The following ANKRD6 variants were observed in gnomAD, a reference collection of about 807,000 sequenced individuals.
ANKRD6 encodes ankyrin repeat domain 6, also known as ankyrin repeat domain-containing protein 6.
A neutral mutation model predicts 82.3 loss-of-function variants in ANKRD6; 56 were observed. The ratio of observed to expected loss-of-function variants is 0.68; its 90% CI spans 0.55 to 0.85. The LOEUF (loss-of-function observed/expected upper bound fraction) is 0.85. Among genes scored for constraint, ANKRD6 ranks in the 40% least tolerant of loss-of-function variants. The pLI is 0.00. For missense variants in ANKRD6, 852 were observed against 907.6 expected, an observed-to-expected ratio of 0.94 and a Z score of 0.79; for synonymous variants, 347 against 352.1, an observed-to-expected ratio of 0.99 and a Z score of 0.16.
intron 1 of ANKRD6, among the ~76,000 whole-genome samples, chr6:89,482,524 A>C (rs917076042): frequency 1.3e-5 from 2 of 152,148 alleles, no homozygotes; most frequent in African/African-American, 4.8e-5. Flanking sequence ...TGTATCAGCC[A>C]CTAAGGAAGT....
At chr6:89,461,996 C>T (rs1374572721) in intron 1 of ANKRD6, among the ~76,000 whole-genome samples, 1 of 152,026 alleles carries the variant, frequency 6.6e-6, no homozygotes, top group Non-Finnish European at 1.5e-5. Flanking sequence ...CTTTGGGAGG[C>T]CAAGGTGGGC....
chr6:89,547,853 C>T (rs1785311082), intron 1 of ANKRD6, among the ~76,000 whole-genome samples: 1 of 152,126 alleles, frequency 6.6e-6, no homozygotes, highest in Admixed American at 6.5e-5. Context: ...CTGTGGCAAA[C>T]ACTTTATTAC....
Position 89,595,457 on chromosome 6 carries a change from A to C in ANKRD6, c.121-459A>C, listed in dbSNP as rs141430206. Among the ~76,000 whole-genome samples the C allele has an allele frequency of 7.9e-5, 12 of 151,788 alleles. No individual in the cohort carries two copies. The East Asian group carries it at 2.3e-3, about 29-fold the overall frequency. ...AAAAAAAAAAGGAAGAACCTTTCCT[A>C]ATCAGTTCAATCAACAGTTTTAATT... On this transcript the variant is annotated intron_variant, in intron 2 of 15. Coordinates refer to ENST00000339746, the MANE Select transcript of ANKRD6 (RefSeq NM_001242809.2).
intron 1 of ANKRD6, among the ~76,000 whole-genome samples, chr6:89,539,841 A>C (rs559105522): frequency 6.7e-6 from 1 of 149,292 alleles, no homozygotes; most frequent in South Asian, 2.1e-4. Context: ...CTCTATGTCC[A>C]TAAGTTCAAT....
intron 1 of ANKRD6, among the ~76,000 whole-genome samples, chr6:89,534,672 G>A (rs1783609654): frequency 6.6e-6 from 1 of 152,200 alleles, no homozygotes; most frequent in African/African-American, 2.4e-5. Context: ...CTTTCCAGGT[G>A]CAGGGGTTCA....
At chr6:89,500,992 T>TC (rs398002271) in intron 1 of ANKRD6, among the ~76,000 whole-genome samples, 24 of 150,442 alleles carry the variant, frequency 1.6e-4, no homozygotes, top group Non-Finnish European at 2.8e-4. Context: ...TTTTTTTTTT[T>TC]CTAGCACAGA....
At chr6:89,598,399 A>T (rs1268392423) in intron 3 of ANKRD6, 1 of 985,364 alleles carries the variant, frequency 1.0e-6, no homozygotes, top group South Asian at 4.7e-5. Flanking sequence ...GAAGGTTAGG[A>T]AGGACCCTAG....
rs1445821271 is a variant in ANKRD6 at position 89,473,158 on chromosome 6, C to G, written c.-144+39783C>G. 3.3e-5 allele frequency among the ~76,000 whole-genome samples: 5 copies of G among 152,098 alleles called. No individual in the cohort carries two copies. The South Asian group carries it at 1.0e-3, about 32-fold the overall frequency. On this transcript the variant is annotated intron_variant, in intron 1 of 15. Coordinates refer to ENST00000339746, the MANE Select transcript of ANKRD6 (RefSeq NM_001242809.2). ...AGGAGCAGTGGCTCACACCTGTAAT[C>G]CCAGCACTTTGGGAGGCTGAGGTGG...
intron 2 of ANKRD6, among the ~76,000 whole-genome samples, chr6:89,593,558 CT>C (rs1262774748): frequency 6.6e-6 from 1 of 152,176 alleles, no homozygotes; most frequent in African/African-American, 2.4e-5. Context: ...CATTCTAGTG[CT>C]TTGGTCACAT....
chr6:89,477,731 A>G (rs552556694), intron 1 of ANKRD6, among the ~76,000 whole-genome samples: 2 of 149,642 alleles, frequency 1.3e-5, no homozygotes, highest in Admixed American at 1.3e-4. Flanking sequence ...AGATTGTGCC[A>G]CTGCACTCCA....
chr6:89,521,353 A>G (rs1402303527), intron 1 of ANKRD6, among the ~76,000 whole-genome samples: 1 of 152,188 alleles, frequency 6.6e-6, no homozygotes, highest in Non-Finnish European at 1.5e-5. Context: ...CTCAGGGTTC[A>G]GAGATGAGTG....
chr6:89,600,631 T>C (rs1352181415), intron 3 of ANKRD6, among the ~76,000 whole-genome samples: 1 of 152,154 alleles, frequency 6.6e-6, no homozygotes, highest in Non-Finnish European at 1.5e-5. Context: ...GGCACTGTCT[T>C]TCTTAGCAGG....
At chr6:89,553,945 T>C (rs879567210) in intron 1 of ANKRD6, among the ~76,000 whole-genome samples, 2 of 152,140 alleles carry the variant, frequency 1.3e-5, no homozygotes, top group Non-Finnish European at 2.9e-5. Context: ...CAAGGGACCC[T>C]TAGGTTACAA....
At chr6:89,593,100 T>G (rs1346316779) in intron 2 of ANKRD6, among the ~76,000 whole-genome samples, 1 of 152,156 alleles carries the variant, frequency 6.6e-6, no homozygotes, top group African/African-American at 2.4e-5. Context: ...CTCCTGGGTC[T>G]GTTGGCCTCT....
At chr6:89,467,323 T>C (rs1774960892) in intron 1 of ANKRD6, among the ~76,000 whole-genome samples, 1 of 152,220 alleles carries the variant, frequency 6.6e-6, no homozygotes, top group Admixed American at 6.5e-5. Flanking sequence ...TTTATAGATA[T>C]GCTGGGACAT....
At chr6:89,621,532 CTG>C (rs1803301293) in intron 9 of ANKRD6, 2 of 204,616 alleles carry the variant, frequency 9.8e-6, no homozygotes, top group East Asian at 1.2e-4. Flanking sequence ...GAGAGTGAGA[CTG>C]TGCCTCACAC....
intron 1 of ANKRD6, among the ~76,000 whole-genome samples, chr6:89,499,653 G>A (rs1046839745): frequency 3.3e-5 from 5 of 152,036 alleles, no homozygotes; most frequent in Non-Finnish European, 7.4e-5. Context: ...AAATGTTCCT[G>A]TTCACAATAC....
chr6:89,444,996 A>C (rs9342198), intron 1 of ANKRD6, among the ~76,000 whole-genome samples: 4 of 152,056 alleles, frequency 2.6e-5, no homozygotes, highest in African/African-American at 9.6e-5. Flanking sequence ...TAAGACTATC[A>C]AAGGATTCCT....
intron 1 of ANKRD6, among the ~76,000 whole-genome samples, chr6:89,447,426 T>C (rs1772226120): frequency 6.6e-6 from 1 of 152,106 alleles, no homozygotes; most frequent in Admixed American, 6.6e-5. Flanking sequence ...ACTCTATCAA[T>C]TGTGTAAAGG....
Sources: gnomAD v4.1 joint callset for allele counts (sites outside exome capture counted in the v4.1 genomes callset) on GRCh38, gnomAD v4.1.1 for gene constraint, MANE v1.5 for transcripts, NCBI Gene and HGNC (gene_info 2026-07-23, HGNC 2026-07-21) for gene names.